CDIN1: variants seen among roughly 807,000 people sequenced by gnomAD.
The protein encoded by CDIN1 is CDAN1-interacting nuclease 1.
Under a neutral mutation model 45.3 loss-of-function variants are expected in CDIN1, and 33 were observed. That is an observed-to-expected ratio of 0.73 (90% CI 0.55 to 0.97). The LOEUF (loss-of-function observed/expected upper bound fraction) is 0.97, where lower values mean the gene tolerates loss of function less well. Ranked by LOEUF, CDIN1 falls within the 50% of genes least tolerant of loss-of-function variation. The pLI is 0.00. For missense variants in CDIN1, 303 were observed against 339.4 expected (o/e 0.89, Z 0.84); for synonymous variants, 118 against 124.4 (o/e 0.95, Z 0.34).
chr15:36,613,889 T>A, intron 1 of CDIN1: 2 of 1,561,296 alleles, frequency 1.3e-6, no homozygotes, highest in Non-Finnish European at 1.8e-6. Flanking sequence ...TGAAGGAGAC[T>A]TGGAACGCAC....
rs1421033975 is a variant in CDIN1 at position 36,654,159 on chromosome 15, G to A, written c.273+1G>A. 8.9e-6 allele frequency: 14 copies of A among 1,565,770 alleles called. No homozygotes were observed. The highest frequency in any genetic ancestry group is 1.3e-5 in the African/African-American group (1 of 74,256). ...AGTGCTCCTGGACCTGGCCAATGAG[G>A]TAATGTTATTGTTATGATTTTATTT... On this transcript the variant is annotated splice_donor_variant, in intron 4 of 10. Coordinates refer to ENST00000566621, the MANE Select transcript of CDIN1 (RefSeq NM_001321759.2). LOFTEE classifies it high-confidence loss of function.
At chr15:36,618,060 AGTCTTG>A in intron 1 of CDIN1, 1 of 762,614 alleles carries the variant, frequency 1.3e-6, no homozygotes, top group Non-Finnish European at 2.4e-6. Context: ...ATTATTCCTC[AGTCTTG>A]GTCTCCAAAT....
intron 10 of CDIN1, among the ~76,000 whole-genome samples, chr15:36,808,108 T>G (rs1039358622): frequency 6.6e-6 from 1 of 152,200 alleles, no homozygotes; most frequent in Non-Finnish European, 1.5e-5. Flanking sequence ...TTCAGGTTTC[T>G]GGAAAGAAAG....
intron 1 of CDIN1, among the ~76,000 whole-genome samples, chr15:36,635,422 G>T (rs530415019): frequency 1.3e-5 from 2 of 152,240 alleles, no homozygotes; most frequent in African/African-American, 4.8e-5. Flanking sequence ...TATGGTATTT[G>T]CAAGACGTGA....
At chr15:36,800,879 A>ATATG (rs1308052909) in intron 10 of CDIN1, among the ~76,000 whole-genome samples, 1 of 82,524 alleles carries the variant, frequency 1.2e-5, no homozygotes, top group African/African-American at 4.1e-5. Flanking sequence ...GTGTGTATAT[A>ATATG]TGTGTGTGTG....
At chr15:36,584,752 A>G (rs1291571101) in intron 1 of CDIN1, among the ~76,000 whole-genome samples, 1 of 152,128 alleles carries the variant, frequency 6.6e-6, no homozygotes, top group Non-Finnish European at 1.5e-5. Context: ...TTCTGCAGAC[A>G]CGTACATCAT....
intron 10 of CDIN1, among the ~76,000 whole-genome samples, chr15:36,748,093 G>A (rs539139213): frequency 1.5e-4 from 23 of 152,268 alleles, no homozygotes; most frequent in African/African-American, 5.5e-4. Flanking sequence ...TCTCTCATTT[G>A]TATGACCTGG....
intron 10 of CDIN1, among the ~76,000 whole-genome samples, chr15:36,798,170 G>A (rs2054882846): frequency 6.6e-6 from 1 of 151,952 alleles, no homozygotes; most frequent in Non-Finnish European, 1.5e-5. Context: ...ACTCCTATGT[G>A]CCACTGAAAT....
intron 10 of CDIN1, among the ~76,000 whole-genome samples, chr15:36,727,148 C>T (rs2140899917): frequency 6.6e-6 from 1 of 152,100 alleles, no homozygotes; most frequent in Non-Finnish European, 1.5e-5. Context: ...AAAGACCCAG[C>T]TGAAGCATTT....
intron 10 of CDIN1, among the ~76,000 whole-genome samples, chr15:36,774,486 A>C (rs557058881): frequency 1.3e-5 from 2 of 151,846 alleles, no homozygotes; most frequent in South Asian, 4.1e-4. Context: ...TTAACTTTTC[A>C]TTTAGCAAAA....
Position 36,691,741 on chromosome 15 carries a change from G to A in CDIN1, c.403G>A (p.Val135Ile). ...GGACCCTTCTCAGATTCCAGATGGA[G>A]TTCTAGCAAATCAGGTCTATCAGGT... ...LRDPSQIPDG[V>I]LANQVYQCIV... Residue 135 changes from valine (V) to isoleucine (I), a missense_variant, in exon 6 of 11, where the codon GTT (valine) becomes ATT (isoleucine). By Grantham distance (29) the Val-to-Ile change is conservative. Transcript: ENST00000566621. 2 of 1,601,956 alleles carry A rather than the reference G, an allele frequency of 1.2e-6. No individual in the cohort carries two copies. The highest frequency in any genetic ancestry group is 1.7e-6 in the Non-Finnish European group (2 of 1,173,120).
intron 5 of CDIN1, among the ~76,000 whole-genome samples, chr15:36,684,120 C>G (rs1162547568): frequency 6.9e-4 from 105 of 151,390 alleles, no homozygotes; most frequent in African/African-American, 2.3e-3. Context: ...TGTTGAATAG[C>G]AGTGGTGAGA....
chr15:36,678,920 A>G (rs2041750269), intron 5 of CDIN1, among the ~76,000 whole-genome samples: 3 of 152,226 alleles, frequency 2.0e-5, no homozygotes, highest in Admixed American at 1.3e-4. Flanking sequence ...AGCAAGAGCT[A>G]TAAAAATGGA....
chr15:36,783,431 C>T (rs1034943763), intron 10 of CDIN1, among the ~76,000 whole-genome samples: 8 of 151,536 alleles, frequency 5.3e-5, no homozygotes, highest in African/African-American at 1.5e-4. Context: ...TCTTAAAAGC[C>T]TGAGTTTAAA....
intron 1 of CDIN1, chr15:36,618,491 CA>C (rs2039002020): frequency 8.2e-7 from 1 of 1,219,966 alleles, no homozygotes; most frequent in Non-Finnish European, 1.2e-6. Flanking sequence ...ACAGCTGAAT[CA>C]AAGCCTCCAA....
At chr15:36,665,907 A>T (rs2041230842) in intron 5 of CDIN1, among the ~76,000 whole-genome samples, 2 of 151,100 alleles carry the variant, frequency 1.3e-5, no homozygotes, top group African/African-American at 2.4e-5. Context: ...CATAAGAAAA[A>T]CCCTCTTTTT....
At chr15:36,593,146 A>T (rs1323998544) in intron 1 of CDIN1, among the ~76,000 whole-genome samples, 2 of 152,204 alleles carry the variant, frequency 1.3e-5, no homozygotes, top group Non-Finnish European at 2.9e-5. Context: ...ATATTATTGG[A>T]ACCATTACTT....
intron 1 of CDIN1, among the ~76,000 whole-genome samples, chr15:36,597,247 T>G (rs1231570626): frequency 2.0e-5 from 3 of 152,202 alleles, no homozygotes; most frequent in Admixed American, 6.5e-5. Flanking sequence ...GTAAAATACA[T>G]TGCTTGTTTG....
chr15:36,657,746 A>T, intron 4 of CDIN1, 87 bp from the exon 5 acceptor site: 1 of 1,008,380 alleles, frequency 9.9e-7, no homozygotes, highest in Non-Finnish European at 1.5e-6. Flanking sequence ...ATTAAAATTG[A>T]CTTATTCTTC....
Sources: allele counts gnomAD v4.1 joint callset (sites outside exome capture counted in the v4.1 genomes callset), GRCh38; gene constraint gnomAD v4.1.1; transcripts MANE v1.5; gene names NCBI Gene and HGNC (gene_info 2026-07-23, HGNC 2026-07-21).